Variants in NCF2 observed in about 807,000 individuals in gnomAD.
NCF2 encodes the protein neutrophil cytosolic factor 2, also known as neutrophil cytosol factor 2.
A neutral mutation model predicts 70.9 loss-of-function variants in NCF2; 45 were observed. That is an observed-to-expected ratio of 0.63 (90% CI 0.50 to 0.81). NCF2 has a LOEUF of 0.81. Ranked by LOEUF, NCF2 falls within the 40% of genes least tolerant of loss-of-function variation. The probability of loss-of-function intolerance (pLI) is 0.00; values close to 1 mark genes in which losing one functional copy is unlikely to be tolerated. For missense variants in NCF2, 522 were observed against 631.6 expected (o/e 0.83, Z 1.86); for synonymous variants, 203 against 233.6 (o/e 0.87, Z 1.19).
Position 183,556,069 on chromosome 1 carries a change from A to G in NCF2, c.*49T>C, listed in dbSNP as rs746942426. On this transcript the variant is annotated 3_prime_UTR_variant, in exon 15 of 15. Transcript: ENST00000367535. ...AGCAGAAGGGTGCTAAATCTTACAAACAAGTAATAGGGCTTCATTTTCTTC... is the reference window on the plus strand; with the variant it reads ...AGCAGAAGGGTGCTAAATCTTACAAGCAAGTAATAGGGCTTCATTTTCTTC... The G allele has an allele frequency of 2.0e-6, 3 of 1,492,626 alleles. No homozygotes were observed. The highest frequency in any genetic ancestry group is 1.4e-5 in the African/African-American group (1 of 72,492). The allele number at this position is 1,492,626 out of a possible 1,614,324, so 92.5% of individuals were successfully genotyped here.
At chr1:183,569,995 C>T (rs548758759) in intron 6 of NCF2, among the ~76,000 whole-genome samples, 1 of 152,318 alleles carries the variant, frequency 6.6e-6, no homozygotes, top group South Asian at 2.1e-4. Flanking sequence ...GCTGCATTCC[C>T]CTCATGGCCT....
rs145354685 is a variant in NCF2, at chr1:183,573,283, G to A, written c.511C>T (p.Leu171=). 68 of 1,613,920 alleles carry A rather than the reference G, an allele frequency of 4.2e-5. 1 individual carries two copies. The African/African-American group carries it at 8.1e-4, about 19-fold the overall frequency. Residue 171 remains leucine (L), a synonymous_variant, in exon 5 of 15, where the codon CTA becomes TTA. Coordinates refer to ENST00000367535, the MANE Select transcript of NCF2 (RefSeq NM_000433.4). Reference sequence around the variant, plus strand: ...ACAGGGATCACCACTGGCTCATATAGCTTCTGCTTCTGTAACACAGAAAAC... The same window carrying A: ...ACAGGGATCACCACTGGCTCATATAACTTCTGCTTCTGTAACACAGAAAAC... ...KAMECVWKQK[L]YEPVVIPVGK...
upstream of NCF2, among the ~76,000 whole-genome samples, chr1:183,591,146 T>G (rs1673624817): frequency 6.6e-6 from 1 of 152,090 alleles, no homozygotes; most frequent in Non-Finnish European, 1.5e-5. Flanking sequence ...TCAATAAAAC[T>G]CCCCACCCAG....
intron 14 of NCF2, among the ~76,000 whole-genome samples, chr1:183,557,672 C>T (rs1441808218): frequency 6.6e-6 from 1 of 152,196 alleles, no homozygotes; most frequent in Non-Finnish European, 1.5e-5. Flanking sequence ...AAGACGCATA[C>T]TGGCTTCTCT....
At chr1:183,593,875 G>A (rs185668605), upstream of NCF2, among the ~76,000 whole-genome samples, 280 of 152,236 alleles carry the variant, frequency 1.8e-3, no homozygotes, top group African/African-American at 5.6e-3. Flanking sequence ...CTTCAGGAGG[G>A]AAAGTCTGCT....
chr1:183,568,962 C>G (rs1426497663), intron 7 of NCF2, among the ~76,000 whole-genome samples, 180 bp downstream of exon 7: 2 of 152,180 alleles, frequency 1.3e-5, no homozygotes, highest in African/African-American at 4.8e-5. Context: ...GCCTGACATT[C>G]TAGAAGACAT....
In NCF2 at chr1:183,577,660, C is replaced by T. The variant is rs137854515; in HGVS notation, c.305G>A (p.Arg102Gln). 19 of 1,613,952 alleles carry T rather than the reference C, an allele frequency of 1.2e-5. No individual in the cohort carries two copies. In the East Asian group the frequency reaches 1.3e-4, roughly 11 times the overall value. The change falls in exon 3 of 15, where the codon CGA (arginine) becomes CAA (glutamine). Residue 102 changes from arginine to glutamine, a missense_variant. Coordinates refer to ENST00000367535, the MANE Select transcript of NCF2 (RefSeq NM_000433.4). ...CTTATAGTCTATCAGCTGGTTCCCT[C>T]GAAGCTGAATCAAGGCTTCTTTAAG... ...KDLKEALIQL[R>Q]GNQLIDYKIL...
upstream of NCF2, among the ~76,000 whole-genome samples, chr1:183,594,608 A>G (rs1433985540): frequency 1.3e-5 from 2 of 152,246 alleles, no homozygotes; most frequent in African/African-American, 4.8e-5. Context: ...CAGGTGTTCA[A>G]TAAACATTAC....
At chr1:183,600,499 A>T in the NCF2 span, among the ~76,000 whole-genome samples, 1 of 152,232 alleles carries the variant, frequency 6.6e-6, no homozygotes, top group Non-Finnish European at 1.5e-5. Context: ...GTTCATAGCA[A>T]CTATTATCTG....
At chr1:183,592,418 G>A (rs1010459827), upstream of NCF2, among the ~76,000 whole-genome samples, 1 of 152,124 alleles carries the variant, frequency 6.6e-6, no homozygotes, top group African/African-American at 2.4e-5. Flanking sequence ...CCTCTCCTTT[G>A]TACCACCTTT....
Position 183,555,996 on chromosome 1 carries a change from G to GAATA in NCF2, c.*118_*121dup, listed in dbSNP as rs1671752963. On this transcript the variant is annotated 3_prime_UTR_variant, in exon 15 of 15. Transcript: ENST00000367535. Reference sequence around the variant, plus strand: ...GTCTAGTAGGTTAAATTTTAACAGGGAATAAATAGTTAACACTTCCAAACT... The same window carrying GAATA: ...GTCTAGTAGGTTAAATTTTAACAGGGAATAAATAAATAGTTAACACTTCCAAACT... The GAATA allele has an allele frequency of 2.3e-6, 2 of 851,086 alleles. No individual in the cohort carries two copies. Among genetic ancestry groups the GAATA allele is most frequent in the South Asian group, 1.4e-5 (1 of 70,206 alleles). The allele number at this position is 851,086 out of a possible 1,614,324, so 52.7% of individuals were successfully genotyped here.
At chr1:183,575,099 G>A (rs1054372732) in intron 3 of NCF2, among the ~76,000 whole-genome samples, 4 of 152,200 alleles carry the variant, frequency 2.6e-5, no homozygotes, top group Non-Finnish European at 5.9e-5. Flanking sequence ...GTACAGAGCC[G>A]GAAGATGGAT....
Position 183,561,641 on chromosome 1 carries a change from C to CTT in NCF2, c.1291-1370_1291-1369dup, listed in dbSNP as rs71924876. 3.0e-3 allele frequency among the ~76,000 whole-genome samples: 436 copies of CTT among 146,820 alleles called. 3 individuals carry two copies. Among genetic ancestry groups the CTT allele is most frequent in the African/African-American group, 9.8e-3 (392 of 40,160 alleles). On this transcript the variant is annotated intron_variant, in intron 13 of 14. Transcript: ENST00000367535. ...ATTTTATTTTTCTTTCTTTTCTTTT[C>CTT]TTTTTTTTTTGTATTTTTAGTACAG...
At position 183,564,040 on chromosome 1, in the gene NCF2, A is replaced by C. The variant is rs36113295; in HGVS notation, c.1001-10T>G. 0.017 allele frequency: 27,037 copies of C among 1,608,752 alleles called. 307 individuals carry two copies. The highest frequency in any genetic ancestry group is 0.021 in the Non-Finnish European group (24,535 of 1,175,040). ...TCTTTTTGTTTCTGGCCTGAATGGA[A>C]AAAGTAGGGAGTAAAACAAAAGAAG... On this transcript the variant is annotated splice_polypyrimidine_tract_variant and intron_variant, in intron 10 of 14. Transcript: ENST00000367535.
chr1:183,582,938 G>A (rs900649649), intron 2 of NCF2, among the ~76,000 whole-genome samples: 2 of 150,662 alleles, frequency 1.3e-5, no homozygotes, highest in African/African-American at 4.9e-5. Flanking sequence ...TTATAATGAC[G>A]GAAGAGCAAC....
At chr1:183,601,674 G>C in the NCF2 span, among the ~76,000 whole-genome samples, 1 of 151,938 alleles carries the variant, frequency 6.6e-6, no homozygotes, top group Non-Finnish European at 1.5e-5. Context: ...TGCCTAACAC[G>C]GTGAAACCCC....
intron 2 of NCF2, among the ~76,000 whole-genome samples, chr1:183,581,237 G>T (rs1673049177): frequency 7.7e-6 from 1 of 130,538 alleles, no homozygotes; most frequent in Non-Finnish European, 1.5e-5. Flanking sequence ...AGACATGATT[G>T]CACCACTCCA....
At chr1:183,567,576 C>A in intron 7 of NCF2, 1 of 659,614 alleles carries the variant, frequency 1.5e-6, no homozygotes, top group South Asian at 1.6e-5. Context: ...AAAGCAAAAA[C>A]CCCACAACAC....
rs528107961 is a variant in NCF2 at position 183,583,763 on chromosome 1, G to A, written c.257+3132C>T. Among the ~76,000 whole-genome samples the A allele has an allele frequency of 1.3e-3, 200 of 152,358 alleles. 1 individual carries two copies. The highest frequency in any genetic ancestry group is 4.4e-3 in the African/African-American group (183 of 41,588). On this transcript the variant is annotated intron_variant, in intron 2 of 14. Transcript: ENST00000367535. ...GGCATGGCTGGGGCAAAGGCACGGAGGATGCATGAGTGGGTGGCAGCAGCT... is the reference window on the plus strand; with the variant it reads ...GGCATGGCTGGGGCAAAGGCACGGAAGATGCATGAGTGGGTGGCAGCAGCT...
Sources: allele counts gnomAD v4.1 joint callset (sites outside exome capture counted in the v4.1 genomes callset), GRCh38; gene constraint gnomAD v4.1.1; transcripts MANE v1.5; gene names NCBI Gene and HGNC (gene_info 2026-07-23, HGNC 2026-07-21).